Variants in DDX6 observed in about 807,000 individuals in gnomAD.
The protein encoded by DDX6 is DEAD-box helicase 6.
DDX6 carries 7 observed loss-of-function variants against 60.6 expected under a neutral mutation model. The ratio of observed to expected loss-of-function variants is 0.12; its 90% CI spans 0.07 to 0.22. The LOEUF (loss-of-function observed/expected upper bound fraction) is 0.22. Ranked by LOEUF, DDX6 falls within the 10% of genes least tolerant of loss-of-function variation. The pLI is 1.00. For missense variants in DDX6, 270 were observed against 589.9 expected, an observed-to-expected ratio of 0.46 and a Z score of 5.62; for synonymous variants, 207 against 201.0, an observed-to-expected ratio of 1.03 and a Z score of -0.25.
chr11:118,768,412 T>C, intron 4 of DDX6, 60 bp from the exon 5 acceptor site: 3 of 1,570,358 alleles, frequency 1.9e-6, no homozygotes, highest in Non-Finnish European at 2.6e-6. Flanking sequence ...CAAATTCCTC[T>C]CTGAAATACA....
chr11:118,787,821 A>G (rs1354503338), intron 1 of DDX6: 1 of 152,196 alleles, frequency 6.6e-6, no homozygotes, highest in Non-Finnish European at 1.5e-5. Context: ...TGAAATTGAC[A>G]AAACCAAGAT....
intron 4 of DDX6, among the ~76,000 whole-genome samples, chr11:118,775,066 G>A (rs1226603616): frequency 1.3e-5 from 2 of 152,156 alleles, no homozygotes; most frequent in Non-Finnish European, 2.9e-5. Context: ...TGTAATTCCA[G>A]TACTTTGGGA....
chr11:118,754,032 A>C (rs556468572), intron 13 of DDX6, among the ~76,000 whole-genome samples: 1 of 152,288 alleles, frequency 6.6e-6, no homozygotes, highest in African/African-American at 2.4e-5. Flanking sequence ...TGGGAGGCAG[A>C]GGTTGCAGTG....
chr11:118,779,536 A>C (rs1555164241), intron 4 of DDX6, 96 bp downstream of exon 4: 4 of 739,320 alleles, frequency 5.4e-6, no homozygotes, highest in Admixed American at 3.1e-5. Flanking sequence ...GTGAGAGAGA[A>C]ATGTTAGTTC....
chr11:118,765,845 G>A (rs191954032), intron 5 of DDX6, among the ~76,000 whole-genome samples: 340 of 151,216 alleles, frequency 2.2e-3, no homozygotes, highest in Non-Finnish European at 3.7e-3. Context: ...AGCACTTTGG[G>A]AGGCCAAGGT....
intron 4 of DDX6, among the ~76,000 whole-genome samples, chr11:118,773,930 A>G (rs1481284725): frequency 1.3e-5 from 2 of 152,116 alleles, no homozygotes; most frequent in African/African-American, 4.8e-5. Context: ...TTTTTCAATC[A>G]TGATAAACCG....
rs1050541777 is a variant in DDX6, at chr11:118,749,960, A to T, written c.*2145T>A. The T allele has an allele frequency of 6.6e-6, 1 of 152,616 alleles. No homozygotes were observed. The highest frequency in any genetic ancestry group is 1.5e-5 in the Non-Finnish European group (1 of 68,044). 9.5% of individuals were successfully genotyped at this position (152,616 alleles called of 1,614,324 possible). On this transcript the variant is annotated 3_prime_UTR_variant, in exon 14 of 14. Transcript: ENST00000534980. ...TTCTTGCTACAGTTGTTAAGGAGTT[A>T]GGGCTATGTCCCATCAGGAGGCATC... is the stretch of plus-strand genomic sequence containing the variant.
Position 118,756,425 on chromosome 11 carries a change from T to C in DDX6, c.1111-102A>G, listed in dbSNP as rs771570896. ...CGATCAGTTCTACCCAAAATCTGTT[T>C]ATAAGTGATCCATGATATTAAGCTG... is the stretch of plus-strand genomic sequence containing the variant. On this transcript the variant is annotated intron_variant, in intron 10 of 13. Coordinates refer to ENST00000534980, the MANE Select transcript of DDX6 (RefSeq NM_004397.6). The C allele has an allele frequency of 1.0e-3, 856 of 850,848 alleles. 1 individual carries two copies. The highest frequency in any genetic ancestry group is 7.2e-4 in the Non-Finnish European group (387 of 535,844). 52.7% of individuals were successfully genotyped at this position (850,848 alleles called of 1,614,324 possible).
Position 118,786,474 on chromosome 11 carries a change from G to A in DDX6, c.-223C>T. 2.7e-6 allele frequency: 1 copy of A among 363,862 alleles called. No homozygotes were observed. Among genetic ancestry groups the A allele is most frequent in the Non-Finnish European group, 4.9e-6 (1 of 204,474 alleles). 22.5% of individuals were successfully genotyped at this position (363,862 alleles called of 1,614,324 possible). A position where few individuals can be genotyped will look rare whatever the true frequency, so the allele number is the denominator to read the frequency against. On this transcript the variant is annotated 5_prime_UTR_variant, in exon 2 of 14. Transcript: ENST00000534980. ...GGAATCAACTTTTTATTTTTAAAAA[G>A]CCCTCTAACAAGCTTGAGTTATATC...
At chr11:118,764,211 A>G (rs1217203700) in intron 6 of DDX6, among the ~76,000 whole-genome samples, 1 of 152,180 alleles carries the variant, frequency 6.6e-6, no homozygotes, top group African/African-American at 2.4e-5. Context: ...TATCATATAT[A>G]ATATTCTAAC....
At chr11:118,771,603 G>T (rs1861537096) in intron 4 of DDX6, among the ~76,000 whole-genome samples, 1 of 152,220 alleles carries the variant, frequency 6.6e-6, no homozygotes. Context: ...AAATTATGAG[G>T]AACTGCCAGG....
intron 1 of DDX6, chr11:118,788,363 A>T (rs1324936694): frequency 6.6e-6 from 1 of 152,328 alleles, no homozygotes; most frequent in Non-Finnish European, 1.5e-5. Flanking sequence ...CTCAGTTTAA[A>T]ATTATCCCGT....
intron 10 of DDX6, 98 bp downstream of exon 10, chr11:118,757,073 A>G (rs1000605637): frequency 1.6e-6 from 1 of 635,878 alleles, no homozygotes; most frequent in Non-Finnish European, 2.5e-6. Flanking sequence ...ACTAAGGAAC[A>G]GTTTATTCTT....
At chr11:118,756,382 A>G in intron 10 of DDX6, 59 bp from the exon 11 acceptor site, 3 of 1,339,778 alleles carry the variant, frequency 2.2e-6, no homozygotes, top group Middle Eastern at 1.8e-4. Context: ...CAAATTTCCC[A>G]TAATTATTTC....
intron 3 of DDX6, among the ~76,000 whole-genome samples, chr11:118,780,026 G>C (rs1433633359): frequency 7.4e-6 from 1 of 135,828 alleles, no homozygotes; most frequent in Non-Finnish European, 1.5e-5. Flanking sequence ...TGAGGCAGGA[G>C]AATCGCTTGA....
chr11:118,782,592 C>T (rs1374958428), intron 2 of DDX6, among the ~76,000 whole-genome samples: 2 of 151,878 alleles, frequency 1.3e-5, no homozygotes, highest in Non-Finnish European at 2.9e-5. Context: ...AATGCATACT[C>T]TAACATTGGT....
intron 12 of DDX6, 144 bp downstream of exon 12, chr11:118,755,258 T>C (rs1860926849): frequency 1.7e-6 from 1 of 590,752 alleles, no homozygotes; most frequent in Non-Finnish European, 3.0e-6. Context: ...AATTAGAAAT[T>C]AGTCTTAAAT....
chr11:118,778,646 C>T (rs1428353907), intron 4 of DDX6, among the ~76,000 whole-genome samples: 9 of 151,970 alleles, frequency 5.9e-5, no homozygotes, highest in Admixed American at 3.9e-4. Flanking sequence ...ATTGCTTATT[C>T]GTCTCAAGGG....
At chr11:118,768,978 G>C (rs985013937) in intron 4 of DDX6, among the ~76,000 whole-genome samples, 1 of 59,840 alleles carries the variant, frequency 1.7e-5, no homozygotes, top group Admixed American at 3.1e-4. Flanking sequence ...AAGAGACCTC[G>C]TCTCATCTCA....
Sources: allele counts gnomAD v4.1 joint callset (sites outside exome capture counted in the v4.1 genomes callset), GRCh38; gene constraint gnomAD v4.1.1; transcripts MANE v1.5; gene names NCBI Gene and HGNC (gene_info 2026-07-23, HGNC 2026-07-21).